CACNA1C: variants seen among roughly 807,000 people sequenced by gnomAD.
CACNA1C encodes the protein calcium voltage-gated channel subunit alpha1 C, also known as voltage-dependent L-type calcium channel subunit alpha-1C.
In CACNA1C, 30 loss-of-function variants were observed where a neutral mutation model predicts 229.0. The ratio of observed to expected loss-of-function variants is 0.13; its 90% CI spans 0.10 to 0.18. The LOEUF (loss-of-function observed/expected upper bound fraction) is 0.18, where lower values mean the gene tolerates loss of function less well. Among genes scored for constraint, CACNA1C ranks in the 10% least tolerant of loss-of-function variants. The pLI is 1.00. For synonymous variants in CACNA1C, 1,114 were observed against 1,132.5 expected (o/e 0.98, Z 0.33); for missense variants, 1,658 against 2,845.0 (o/e 0.58, Z 9.49).
chr12:2,424,485 G>A (rs1267339210), intron 3 of CACNA1C, among the ~76,000 whole-genome samples: 1 of 152,092 alleles, frequency 6.6e-6, no homozygotes, highest in African/African-American at 2.4e-5. Context: ...TTGGTGTCTT[G>A]GCTAAAAATA....
chr12:2,249,325 A>G (rs1004726417), intron 3 of CACNA1C, among the ~76,000 whole-genome samples: 14 of 152,182 alleles, frequency 9.2e-5, no homozygotes, highest in African/African-American at 3.4e-4. Flanking sequence ...TGTAAATAAA[A>G]TGGTATCAGA....
intron 1 of CACNA1C, among the ~76,000 whole-genome samples, chr12:2,020,951 A>C (rs149836350): frequency 6.6e-6 from 1 of 152,332 alleles, no homozygotes; most frequent in African/African-American, 2.4e-5. Flanking sequence ...CTCAGTGGCC[A>C]GGAACTGACT....
chr12:2,651,880 G>A lies in CACNA1C; in HGVS notation c.4074+112G>A. 1 of 840,552 alleles carries A rather than the reference G, an allele frequency of 1.2e-6. No homozygotes were observed. Among genetic ancestry groups the A allele is most frequent in the South Asian group, 1.9e-5 (1 of 52,786 alleles). 52.1% of individuals were successfully genotyped at this position (840,552 alleles called of 1,614,324 possible). A position where few individuals can be genotyped will look rare whatever the true frequency, so the allele number is the denominator to read the frequency against. ...ACTCTGGGGCCCTGCTCCTTCCTCT[G>A]TGTGGCAGAACTCGGCCGCTCTGCC... On this transcript the variant is annotated intron_variant, in intron 32 of 46. Transcript: ENST00000399655. This position sits in a 1 kb window ranked among gnomAD's most constrained non-coding sequence, Gnocchi z 5.4.
At chr12:2,663,516 C>G (rs2095872425) in intron 34 of CACNA1C, among the ~76,000 whole-genome samples, 1 of 152,126 alleles carries the variant, frequency 6.6e-6, no homozygotes, top group African/African-American at 2.4e-5. Flanking sequence ...GAGACACCTG[C>G]ACACACACAT....
Position 2,674,574 on chromosome 12 carries a change from C to G in CACNA1C, c.4760C>G (p.Ala1587Gly). 1 of 1,573,058 alleles carries G rather than the reference C, an allele frequency of 6.4e-7. No individual in the cohort carries two copies. The highest frequency in any genetic ancestry group is 1.9e-5 in the Admixed American group (1 of 53,934). ...NLEQANEELR[A>G]IIKKIWKRTS... Reference sequence around the variant, plus strand: ...GAACAAGCCAATGAGGAGCTGCGGGCGATCATCAAGAAGATCTGGAAGCGG... The same window carrying G: ...GAACAAGCCAATGAGGAGCTGCGGGGGATCATCAAGAAGATCTGGAAGCGG... The change falls in exon 39 of 47, where the codon GCG (alanine) becomes GGG (glycine). Residue 1587 changes from alanine to glycine, a missense_variant. This residue lies in a region of CACNA1C where 151 missense variants were observed against 344.4 expected (regional missense o/e 0.44). Transcript: ENST00000399655.
chr12:2,448,980 G>T lies in CACNA1C; in HGVS notation c.482G>T (p.Arg161Leu). 6.2e-7 allele frequency: 1 copy of T among 1,607,040 alleles called. No homozygotes were observed. The highest frequency in any genetic ancestry group is 8.5e-7 in the Non-Finnish European group (1 of 1,175,392). Reference protein sequence around the residue: ...DSNATNSNLERVEYLFLIIFT... With the variant: ...DSNATNSNLELVEYLFLIIFT... ...TTTTCTATTTCTGTTTCCTAGGAAC[G>T]AGTGGAATATCTCTTTCTCATAATT... The change falls in exon 4 of 47, where the codon CGA (arginine) becomes CTA (leucine). Residue 161 changes from arginine (R) to leucine (L), a missense_variant. Coordinates refer to ENST00000399655, the MANE Select transcript of CACNA1C (RefSeq NM_000719.7).
At chr12:2,538,308 T>A (rs1414423101) in intron 9 of CACNA1C, among the ~76,000 whole-genome samples, 1 of 152,186 alleles carries the variant, frequency 6.6e-6, no homozygotes, top group Non-Finnish European at 1.5e-5. Flanking sequence ...AACCAGGCTT[T>A]AATTGCTTAT....
Position 2,053,080 on chromosome 12 carries a change from GC to G in CACNA1C, c.-481del. The G allele has an allele frequency of 1.0e-6, 1 of 984,472 alleles. No homozygotes were observed. Among genetic ancestry groups the G allele is most frequent in the Non-Finnish European group, 1.2e-6 (1 of 829,380 alleles). 61.0% of individuals were successfully genotyped at this position (984,472 alleles called of 1,614,324 possible). On this transcript the variant is annotated 5_prime_UTR_variant, in exon 1 of 47. Coordinates refer to ENST00000399655, the MANE Select transcript of CACNA1C (RefSeq NM_000719.7). This position sits in a 1 kb window ranked among gnomAD's most constrained non-coding sequence, Gnocchi z 5.8. Reference sequence around the variant, plus strand: ...CGGAGCGGCGGCGGCGGCTCTTCCTGCCTCCGCGCCCAGGAGTTGCCGGCTC... The same window carrying G: ...CGGAGCGGCGGCGGCGGCTCTTCCTGCTCCGCGCCCAGGAGTTGCCGGCTC...
intron 3 of CACNA1C, among the ~76,000 whole-genome samples, chr12:2,150,988 T>C (rs1465275268): frequency 6.6e-6 from 1 of 152,202 alleles, no homozygotes; most frequent in East Asian, 1.9e-4. Flanking sequence ...CTTTCCTTTG[T>C]GTTGGCTGGT....
At chr12:2,682,490 TGAAG>T (rs1316782484) in intron 42 of CACNA1C, 56 bp from the exon 43 acceptor site, 2 of 1,587,328 alleles carry the variant, frequency 1.3e-6, no homozygotes, top group East Asian at 4.5e-5. Context: ...CTTTACTTGC[TGAAG>T]GAAGTGGAGG....
Position 2,687,475 on chromosome 12 carries a change from C to T in CACNA1C, c.5785-972C>T, listed in dbSNP as rs980450568. 2.0e-5 allele frequency among the ~76,000 whole-genome samples: 3 copies of T among 152,030 alleles called. No individual in the cohort carries two copies. In the East Asian group the frequency reaches 5.8e-4, roughly 29 times the overall value. On this transcript the variant is annotated intron_variant, in intron 45 of 46. Coordinates refer to ENST00000399655, the MANE Select transcript of CACNA1C (RefSeq NM_000719.7). The stretch of plus-strand genomic sequence containing the variant: ...GCAGGTTGTCATGGCAACAGCCAGA[C>T]AGGCCTGGTCCCTACCCTCAGGATG...
intron 1 of CACNA1C, among the ~76,000 whole-genome samples, chr12:2,036,043 C>G (rs78131808): frequency 6.9e-4 from 105 of 152,244 alleles, no homozygotes; most frequent in African/African-American, 2.5e-3. Flanking sequence ...ATTTTCTTTA[C>G]TGGTAAATGG....
At chr12:2,008,888 A>G (rs906309090) in intron 1 of CACNA1C, among the ~76,000 whole-genome samples, 4 of 152,154 alleles carry the variant, frequency 2.6e-5, no homozygotes, top group Admixed American at 6.5e-5. Context: ...TAAAGCTCTG[A>G]CCTTCTAGGA....
At chr12:2,402,804 G>A (rs1426491533) in intron 3 of CACNA1C, among the ~76,000 whole-genome samples, 1 of 152,176 alleles carries the variant, frequency 6.6e-6, no homozygotes, top group African/African-American at 2.4e-5. Flanking sequence ...AAGGTCTGCT[G>A]TGCCACCGCC....
chr12:2,495,204 C>CTTATT (rs1391972494), intron 7 of CACNA1C, among the ~76,000 whole-genome samples: 1 of 152,242 alleles, frequency 6.6e-6, no homozygotes, highest in Non-Finnish European at 1.5e-5. Context: ...CTTAGGGAAA[C>CTTATT]TTATTTTGTT....
At chr12:2,469,258 TTGA>T (rs2099577413) in intron 5 of CACNA1C, among the ~76,000 whole-genome samples, 1 of 152,158 alleles carries the variant, frequency 6.6e-6, no homozygotes, top group Non-Finnish European at 1.5e-5. Context: ...GCAGATGATA[TTGA>T]TGATGATAGA....
chr12:2,630,000 C>T (rs1335155456), intron 29 of CACNA1C, among the ~76,000 whole-genome samples: 1 of 152,150 alleles, frequency 6.6e-6, no homozygotes, highest in Non-Finnish European at 1.5e-5. Flanking sequence ...GGGGGAAATC[C>T]ACTCAGCCTG....
intron 1 of CACNA1C, among the ~76,000 whole-genome samples, chr12:2,106,629 G>A (rs1261973836): frequency 1.1e-5 from 1 of 88,244 alleles, no homozygotes; most frequent in African/African-American, 4.1e-5. Flanking sequence ...GCATCCTGAA[G>A]CCACTGGGCG....
At chr12:2,177,618 T>TTCCTTCTC (rs2096703343) in intron 3 of CACNA1C, among the ~76,000 whole-genome samples, 4 of 108,642 alleles carry the variant, frequency 3.7e-5, no homozygotes, top group South Asian at 7.9e-4. Flanking sequence ...CCTTCCTTCC[T>TTCCTTCTC]TCCTTCCTTC....
Sources: gnomAD v4.1 joint callset for allele counts (sites outside exome capture counted in the v4.1 genomes callset) on GRCh38, gnomAD v4.1.1 for gene constraint, gnomAD v4.1.1 regional missense constraint, Gnocchi (gnomAD v3.1) non-coding constraint, MANE v1.5 for transcripts, NCBI Gene and HGNC (gene_info 2026-07-23, HGNC 2026-07-21) for gene names.